USP26: variants seen among roughly 807,000 people sequenced by gnomAD.
The protein encoded by USP26 is ubiquitin carboxyl-terminal hydrolase 26.
For missense variants in USP26, 649 were observed against 642.3 expected (o/e 1.01, Z -0.11); for synonymous variants, 236 against 240.6 (o/e 0.98, Z 0.18).
rs764170789 is a variant in USP26 at position 133,059,574 on chromosome X, T to C, written c.-77+24133A>G. ...CAAAATCTGGTGACAAAGTTGACAA[T>C]GTCAAAAAGAATCCAAGCATCCTAG... On this transcript the variant is annotated intron_variant, in intron 5 of 5. Transcript: ENST00000511190. Among the ~76,000 whole-genome samples, 13 of 110,516 alleles carry C rather than the reference T, an allele frequency of 1.2e-4. 1 individual carries two copies. Among genetic ancestry groups the C allele is most frequent in the Non-Finnish European group, 1.9e-4 (10 of 52,948 alleles).
At chrX:133,087,494 A>C (rs935307370) in intron 4 of USP26, among the ~76,000 whole-genome samples, 2 of 111,992 alleles carry the variant, frequency 1.8e-5, no homozygotes, top group African/African-American at 3.2e-5. Flanking sequence ...CAACACTTGA[A>C]ATTGGTGATG....
At chrX:133,036,168 G>GT (rs143689052) in intron 5 of USP26, among the ~76,000 whole-genome samples, 3,693 of 109,247 alleles carry the variant, frequency 0.034, 96 homozygotes, top group East Asian at 0.097. Flanking sequence ...TTTTTTTAAG[G>GT]TTTTTTTTCT....
At chrX:133,085,244 A>G (rs922253626) in intron 4 of USP26, among the ~76,000 whole-genome samples, 1 of 112,203 alleles carries the variant, frequency 8.9e-6, no homozygotes, top group Non-Finnish European at 1.9e-5. Flanking sequence ...CCATTGCGTC[A>G]TTCTTATGCT....
intron 5 of USP26, among the ~76,000 whole-genome samples, chrX:133,080,640 C>G (rs978956791): frequency 3.7e-4 from 41 of 111,383 alleles, no homozygotes; most frequent in African/African-American, 1.3e-3. Context: ...GGCCAGCAAA[C>G]CCTATAGCAG....
At chrX:133,030,573 T>A (rs1347261380) in intron 5 of USP26, among the ~76,000 whole-genome samples, 2 of 111,909 alleles carry the variant, frequency 1.8e-5, no homozygotes, top group African/African-American at 6.5e-5. Context: ...CACTGTGTAA[T>A]CGTCACAATA....
chrX:133,092,689 A>G (rs1333047612), intron 1 of USP26, among the ~76,000 whole-genome samples: 1 of 111,722 alleles, frequency 9.0e-6, no homozygotes. Context: ...CTGGATCTAA[A>G]TTCTAAATTC....
chrX:133,065,240 C>T (rs2067507382), intron 5 of USP26, among the ~76,000 whole-genome samples: 2 of 111,263 alleles, frequency 1.8e-5, no homozygotes, highest in Non-Finnish European at 3.8e-5. Flanking sequence ...TAATTAATAG[C>T]CTACCAACCA....
intron 5 of USP26, among the ~76,000 whole-genome samples, chrX:133,076,152 T>G (rs1477352179): frequency 9.0e-6 from 1 of 111,287 alleles, no homozygotes. Context: ...CATACGAAAT[T>G]TTCAAACATG....
chrX:133,029,720 T>G (rs187309555), intron 5 of USP26, among the ~76,000 whole-genome samples: 1 of 112,286 alleles, frequency 8.9e-6, no homozygotes, highest in Admixed American at 9.4e-5. Flanking sequence ...TATCAAAAAT[T>G]ATTATCTTCT....
In USP26 at chrX:133,026,081, T is replaced by C. The variant is rs376788398; in HGVS notation, c.2140A>G (p.Ile714Val). 6 of 1,210,211 alleles carry C rather than the reference T, an allele frequency of 5.0e-6. No individual in the cohort carries two copies. The East Asian group carries it at 8.9e-5, about 18-fold the overall frequency. Residue 714 changes from isoleucine (I) to valine (V), a missense_variant, in exon 6 of 6, where the codon ATC becomes GTC. Transcript: ENST00000511190. ...TSKFVAFDRIINPTKDLYEDK... is the reference protein window; with the variant it reads ...TSKFVAFDRIVNPTKDLYEDK... ...TCATACAAATCTTTAGTAGGATTGA[T>C]AATCCTATCAAAAGCTACAAACTTA...
chrX:133,037,006 C>T lies in USP26; in HGVS notation c.-76-8710G>A, dbSNP rs1025535633. Among the ~76,000 whole-genome samples, 8 of 112,324 alleles carry T rather than the reference C, an allele frequency of 7.1e-5. No individual in the cohort carries two copies. In the South Asian group the frequency reaches 2.6e-3, roughly 36 times the overall value. On this transcript the variant is annotated intron_variant, in intron 5 of 5. Coordinates refer to ENST00000511190, the MANE Select transcript of USP26 (RefSeq NM_031907.3). ...GAGGAGTATCTGTTTATATCCTTCA[C>T]GCACTTTTTGATGGGGTTGTTTTTT...
intron 1 of USP26, among the ~76,000 whole-genome samples, chrX:133,096,059 T>TG (rs1177367444): frequency 1.3e-5 from 1 of 77,263 alleles, no homozygotes; most frequent in Non-Finnish European, 2.5e-5. Flanking sequence ...TTTTTTTTTT[T>TG]TTTTTTTTTT....
intron 4 of USP26, among the ~76,000 whole-genome samples, chrX:133,085,407 T>C (rs1335582733): frequency 1.8e-5 from 2 of 111,937 alleles, no homozygotes; most frequent in Non-Finnish European, 3.8e-5. Flanking sequence ...TTCCACACAC[T>C]AAGAATAGAA....
chrX:133,025,945 C>T lies in USP26; in HGVS notation c.2276G>A (p.Ser759Asn). The T allele has an allele frequency of 1.7e-6, 2 of 1,211,461 alleles. No individual in the cohort carries two copies. The highest frequency in any genetic ancestry group is 2.2e-6 in the Non-Finnish European group (2 of 895,465). The change falls in exon 6 of 6, where the codon AGC becomes AAC. Residue 759 changes from serine (S) to asparagine (N), a missense_variant. Transcript: ENST00000511190. ...EQAPQQALPQ[S>N]FPKPGTQGHT... ...CCCCTGGGTGCCTGGCTTTGGAAAGCTTTGAGGCAGTGCCTGCTGAGGGGC... is the reference window on the plus strand; with the variant it reads ...CCCCTGGGTGCCTGGCTTTGGAAAGTTTTGAGGCAGTGCCTGCTGAGGGGC...
intron 1 of USP26, among the ~76,000 whole-genome samples, chrX:133,095,050 G>A (rs769687365): frequency 9.2e-5 from 9 of 97,916 alleles, no homozygotes; most frequent in African/African-American, 2.6e-4. Flanking sequence ...AGCTGGGATC[G>A]TGCCACTGCG....
Position 133,025,200 on chromosome X carries a change from C to T in USP26, c.*279G>A. The T allele has an allele frequency of 2.9e-6, 1 of 341,432 alleles. No individual in the cohort carries two copies. The highest frequency in any genetic ancestry group is 2.6e-5 in the African/African-American group (1 of 38,474). 28.1% of individuals were successfully genotyped at this position (341,432 alleles called of 1,213,427 possible). A position where few individuals can be genotyped will look rare whatever the true frequency, so the allele number is the denominator to read the frequency against. On this transcript the variant is annotated 3_prime_UTR_variant, in exon 6 of 6. Coordinates refer to ENST00000511190, the MANE Select transcript of USP26 (RefSeq NM_031907.3). The stretch of plus-strand genomic sequence containing the variant: ...AAGGACTGCACTCTAGCCAGGATGA[C>T]AGAGCAAGACCCTGACTATATTAAA...
chrX:133,042,896 C>T (rs1379721831), intron 5 of USP26, among the ~76,000 whole-genome samples: 2 of 109,524 alleles, frequency 1.8e-5, no homozygotes, highest in Non-Finnish European at 3.8e-5. Flanking sequence ...AGTAAAGCAA[C>T]ATGAAGCCTT....
intron 4 of USP26, among the ~76,000 whole-genome samples, chrX:133,084,514 T>G: frequency 3.7e-5 from 1 of 27,334 alleles, no homozygotes; most frequent in South Asian, 1.3e-3. Context: ...CAGAACTTCT[T>G]TTTTTTTTTT....
intron 4 of USP26, among the ~76,000 whole-genome samples, chrX:133,087,612 C>G (rs1602991797): frequency 8.9e-6 from 1 of 112,256 alleles, no homozygotes; most frequent in East Asian, 2.8e-4. Flanking sequence ...TTTGTAGTCT[C>G]TAGACTTTCC....
Sources: allele counts gnomAD v4.1 joint callset (sites outside exome capture counted in the v4.1 genomes callset), GRCh38; gene constraint gnomAD v4.1.1; transcripts MANE v1.5; gene names NCBI Gene and HGNC (gene_info 2026-07-23, HGNC 2026-07-21).